The following LBR variants were observed in gnomAD, a reference collection of about 807,000 sequenced individuals.
LBR encodes the protein delta(14)-sterol reductase LBR.
Under a neutral mutation model 74.3 loss-of-function variants are expected in LBR, and 28 were observed. The ratio of observed to expected loss-of-function variants is 0.38; its 90% CI spans 0.28 to 0.52. The LOEUF (loss-of-function observed/expected upper bound fraction) is 0.52, where lower values mean the gene tolerates loss of function less well. LBR is among the 20% of genes least tolerant of loss of function. The pLI, the probability that LBR is intolerant of heterozygous loss-of-function variation, is 0.89. For missense variants in LBR, 717 were observed against 760.3 expected, an observed-to-expected ratio of 0.94 and a Z score of 0.67; for synonymous variants, 228 against 269.3, an observed-to-expected ratio of 0.85 and a Z score of 1.50.
At chr1:225,427,246 G>C (rs536111556) in intron 1 of LBR, 2 of 152,386 alleles carry the variant, frequency 1.3e-5, no homozygotes, top group South Asian at 2.1e-4. Flanking sequence ...GAGGCTGGCT[G>C]TCATTAGAAC....
At chr1:225,428,272 G>C (rs2096145278), upstream of LBR, among the ~76,000 whole-genome samples, 1 of 152,088 alleles carries the variant, frequency 6.6e-6, no homozygotes. Context: ...CGGTGAGCGG[G>C]GGAAACCGAG....
At position 225,403,185 on chromosome 1, in the gene LBR, G is replaced by GAA; in HGVS notation, c.*116_*117dup. ...CGGCTCCATAGTCCTGACTCAAAAA[G>GAA]AAAAAAAAAAGTACAGACCCTGTCA... On this transcript the variant is annotated 3_prime_UTR_variant, in exon 14 of 14. Transcript: ENST00000272163. 5.8e-6 allele frequency: 5 copies of GAA among 862,442 alleles called. No individual in the cohort carries two copies. Among genetic ancestry groups the GAA allele is most frequent in the African/African-American group, 1.7e-5 (1 of 57,156 alleles). The allele number at this position is 862,442 out of a possible 1,614,324, so 53.4% of individuals were successfully genotyped here. A position where few individuals can be genotyped will look rare whatever the true frequency, so the allele number is the denominator to read the frequency against.
chr1:225,409,392 T>C (rs1400778772), intron 10 of LBR, among the ~76,000 whole-genome samples: 2 of 152,200 alleles, frequency 1.3e-5, no homozygotes, highest in East Asian at 1.9e-4. Flanking sequence ...CAATTTTGCA[T>C]AGAAGGCCAA....
rs532281550 is a variant in LBR at position 225,423,832 on chromosome 1, A to G, written c.165+79T>C. The G allele has an allele frequency of 2.1e-5, 29 of 1,372,890 alleles. No individual in the cohort carries two copies. The African/African-American group carries it at 4.0e-4, about 19-fold the overall frequency. The allele number at this position is 1,372,890 out of a possible 1,614,324, so 85.0% of individuals were successfully genotyped here. A position where few individuals can be genotyped will look rare whatever the true frequency, so the allele number is the denominator to read the frequency against. On this transcript the variant is annotated intron_variant, in intron 2 of 13. Transcript: ENST00000272163. ...GCCTTCAAACCGAGCTGAACTGACT[A>G]TCCTGAGCTTAGAAACCATACTTAG...
rs540806238 is a variant in LBR at position 225,403,435 on chromosome 1, G to A, written c.1716C>T (p.Tyr572=). 2.5e-6 allele frequency: 4 copies of A among 1,612,490 alleles called. No individual in the cohort carries two copies. The South Asian group carries it at 4.4e-5, about 18-fold the overall frequency. ...CGFNHILPYF[Y]IIYFTMLLVH... ...CAAGCAACATGGTGAAATAAATTAT[G>A]TAGAAATAAGGCAGAATGTGGTTAA... is the stretch of plus-strand genomic sequence containing the variant. The change falls in exon 14 of 14, where the codon TAC becomes TAT. Residue 572 remains tyrosine, a synonymous_variant. Transcript: ENST00000272163.
In LBR at chr1:225,419,223, C is replaced by T. The variant is rs185424666; in HGVS notation, c.640+40G>A. 2.5e-4 allele frequency: 403 copies of T among 1,599,488 alleles called. 3 individuals are homozygous for T. The East Asian group carries it at 8.1e-3, about 32-fold the overall frequency. ...CACCTTGTGGCAACCACCCCTAGCT[C>T]ACCCCACCTGCCCTCTCTGGGCCCA... On this transcript the variant is annotated intron_variant, in intron 5 of 13. Coordinates refer to ENST00000272163, the MANE Select transcript of LBR (RefSeq NM_002296.4).
chr1:225,410,638 T>C (rs942364120), intron 9 of LBR, among the ~76,000 whole-genome samples: 3 of 152,198 alleles, frequency 2.0e-5, no homozygotes, highest in African/African-American at 7.2e-5. Flanking sequence ...TGGGTAACTT[T>C]ACCGCAATCA....
intron 10 of LBR, among the ~76,000 whole-genome samples, chr1:225,409,715 C>T (rs182465829): frequency 6.6e-6 from 1 of 152,064 alleles, no homozygotes; most frequent in Non-Finnish European, 1.5e-5. Context: ...CTGGCTGAGA[C>T]AGAGAAAACA....
intron 2 of LBR, 37 bp from the exon 3 acceptor site, chr1:225,422,314 AATC>A (rs2096129147): frequency 6.5e-7 from 1 of 1,533,420 alleles, no homozygotes; most frequent in Admixed American, 1.7e-5. Context: ...CTTTACCACA[AATC>A]ATAACACATA....
upstream of LBR, among the ~76,000 whole-genome samples, chr1:225,428,543 T>G (rs539713954): frequency 6.6e-6 from 1 of 152,242 alleles, no homozygotes; most frequent in South Asian, 2.1e-4. Flanking sequence ...CTTAGCGTGT[T>G]AAAATCCCAC....
At chr1:225,416,080 G>A (rs901436034) in intron 6 of LBR, among the ~76,000 whole-genome samples, 23 of 151,908 alleles carry the variant, frequency 1.5e-4, no homozygotes, top group Non-Finnish European at 2.5e-4. Context: ...CTGGTGGCAC[G>A]CGCCTGTGGT....
chr1:225,418,281 A>T, intron 5 of LBR, 101 bp from the exon 6 acceptor site: 1 of 1,213,166 alleles, frequency 8.2e-7, no homozygotes, highest in Non-Finnish European at 1.2e-6. Flanking sequence ...TTATCTGGCT[A>T]ACTGTCTGAA....
At chr1:225,420,340 C>T (rs190919833) in intron 3 of LBR, among the ~76,000 whole-genome samples, 3 of 150,084 alleles carry the variant, frequency 2.0e-5, no homozygotes, top group Admixed American at 6.6e-5. Flanking sequence ...TGATCTTTCA[C>T]GTAATCAGAC....
intron 1 of LBR, among the ~76,000 whole-genome samples, chr1:225,426,895 C>A (rs1401351561): frequency 6.6e-6 from 1 of 152,250 alleles, no homozygotes. Flanking sequence ...TCTTCCCAGG[C>A]AGCCTGAGAA....
chr1:225,423,729 G>A (rs2096132931), intron 2 of LBR, among the ~76,000 whole-genome samples, 182 bp downstream of exon 2: 1 of 152,134 alleles, frequency 6.6e-6, no homozygotes. Flanking sequence ...GAGCTTCTTG[G>A]GAACAAGGAC....
intron 1 of LBR, chr1:225,427,717 C>G (rs1228308413): frequency 2.0e-5 from 3 of 152,270 alleles, no homozygotes; most frequent in African/African-American, 4.8e-5. Context: ...GCAGCGGGCC[C>G]GGCTCGGGCG....
intron 1 of LBR, among the ~76,000 whole-genome samples, chr1:225,425,687 CTCTCT>C (rs774251902): frequency 3.9e-5 from 6 of 152,068 alleles, no homozygotes; most frequent in Admixed American, 6.5e-5. Context: ...TACCCTCCTT[CTCTCT>C]TCTCTTGAGC....
intron 10 of LBR, among the ~76,000 whole-genome samples, chr1:225,408,411 T>A (rs1305395304): frequency 3.3e-5 from 5 of 152,046 alleles, no homozygotes. Context: ...GTGTGGTGAG[T>A]GGCAGTGAGA....
chr1:225,418,402 A>T (rs923033109), intron 5 of LBR, among the ~76,000 whole-genome samples: 3 of 152,010 alleles, frequency 2.0e-5, no homozygotes, highest in Non-Finnish European at 4.4e-5. Flanking sequence ...AAAATAAAAA[A>T]AAAAAGAAAG....
Sources: allele counts gnomAD v4.1 joint callset (sites outside exome capture counted in the v4.1 genomes callset), GRCh38; gene constraint gnomAD v4.1.1; transcripts MANE v1.5; gene names NCBI Gene and HGNC (gene_info 2026-07-23, HGNC 2026-07-21).